Variants in RNF17 observed in about 807,000 individuals in gnomAD.
RNF17 encodes the protein ring finger protein 17.
A neutral mutation model predicts 200.5 loss-of-function variants in RNF17; 31 were observed. The ratio of observed to expected loss-of-function variants is 0.15; its 90% CI spans 0.12 to 0.21. The LOEUF (loss-of-function observed/expected upper bound fraction) is 0.21, where lower values mean the gene tolerates loss of function less well. Ranked by LOEUF, RNF17 falls within the 10% of genes least tolerant of loss-of-function variation. The pLI, the probability that RNF17 is intolerant of heterozygous loss-of-function variation, is 1.00. For synonymous variants in RNF17, 606 were observed against 637.8 expected (o/e 0.95, Z 0.75); for missense variants, 1,628 against 1,905.1 (o/e 0.85, Z 2.71).
chr13:24,821,113 G>A (rs1448948569), intron 15 of RNF17, among the ~76,000 whole-genome samples: 1 of 152,108 alleles, frequency 6.6e-6, no homozygotes, highest in African/African-American at 2.4e-5. Context: ...GCAATCTTTT[G>A]TGCACCTTTG....
chr13:24,763,619 G>A (rs968268914), upstream of RNF17, among the ~76,000 whole-genome samples: 6 of 152,092 alleles, frequency 3.9e-5, no homozygotes, highest in African/African-American at 1.4e-4. Flanking sequence ...CTCTCAAGCA[G>A]AAACCTGCTA....
chr13:24,885,456 T>C, the RNF17 span: 1 of 1,220,872 alleles, frequency 8.2e-7, no homozygotes, highest in Admixed American at 1.7e-5. Context: ...TGATATAGGG[T>C]TCTAGGACTA....
chr13:24,788,289 ATG>A, intron 7 of RNF17, 130 bp downstream of exon 7: 3 of 612,104 alleles, frequency 4.9e-6, no homozygotes, highest in Non-Finnish European at 5.4e-6. Flanking sequence ...TTCTAAATTG[ATG>A]ACAATATAGG....
At chr13:24,767,484 T>C in intron 2 of RNF17, 118 bp downstream of exon 2, 1 of 655,558 alleles carries the variant, frequency 1.5e-6, no homozygotes, top group Non-Finnish European at 2.6e-6. Flanking sequence ...GCGTGGTGGC[T>C]GACGCCTGTA....
chr13:24,834,443 A>C (rs373812509), intron 18 of RNF17, among the ~76,000 whole-genome samples: 1 of 128,046 alleles, frequency 7.8e-6, no homozygotes, highest in Non-Finnish European at 1.7e-5. Flanking sequence ...AGAACAACAA[A>C]AAAGCAACAA....
At chr13:24,834,559 A>G (rs1889762258) in intron 18 of RNF17, among the ~76,000 whole-genome samples, 1 of 152,210 alleles carries the variant, frequency 6.6e-6, no homozygotes, top group African/African-American at 2.4e-5. Context: ...TCCTGAAAAC[A>G]CACTTCCACT....
chr13:24,865,735 A>G (rs1019203818), intron 29 of RNF17, among the ~76,000 whole-genome samples: 3 of 152,052 alleles, frequency 2.0e-5, no homozygotes, highest in African/African-American at 7.2e-5. Flanking sequence ...TGTAATCCTC[A>G]CTGCCAGCTT....
intron 29 of RNF17, among the ~76,000 whole-genome samples, chr13:24,865,512 G>A (rs1893524044): frequency 6.6e-6 from 1 of 152,070 alleles, no homozygotes; most frequent in Non-Finnish European, 1.5e-5. Flanking sequence ...ACAAGATATG[G>A]TTTCACATTT....
At chr13:24,794,730 A>G (rs1419828770) in intron 10 of RNF17, among the ~76,000 whole-genome samples, 3 of 152,130 alleles carry the variant, frequency 2.0e-5, no homozygotes, top group Non-Finnish European at 4.4e-5. Flanking sequence ...CCAATAAAAA[A>G]AATATTTTTT....
At chr13:24,877,290 G>C (rs1894962314) in intron 34 of RNF17, 104 bp downstream of exon 34, 1 of 828,850 alleles carries the variant, frequency 1.2e-6, no homozygotes, top group Admixed American at 2.7e-5. Context: ...GTATACTAAA[G>C]CATATACAGC....
Position 24,853,884 on chromosome 13 carries a change from T to C in RNF17, c.3350T>C (p.Leu1117Ser), listed in dbSNP as rs1213515033. 3.1e-6 allele frequency: 5 copies of C among 1,610,346 alleles called. No individual in the cohort carries two copies. The African/African-American group carries it at 5.4e-5, about 17-fold the overall frequency. ...RINNLDNSHS[L>S]SEKSLEVPLE... ...AATAACTTAGATAACAGCCATTCAT[T>C]ATCTGAGAAGTCTCTGGAAGTCCCC... Residue 1117 changes from leucine (L) to serine (S), a missense_variant, in exon 25 of 36, where the codon TTA (leucine) becomes TCA (serine). By Grantham distance (145) the Leu-to-Ser change is moderately radical (BLOSUM62 -2). Transcript: ENST00000255324.
intron 15 of RNF17, among the ~76,000 whole-genome samples, chr13:24,807,389 C>T (rs1886022109): frequency 6.6e-6 from 1 of 151,922 alleles, no homozygotes; most frequent in East Asian, 1.9e-4. Context: ...TTGCATTTCT[C>T]TGATGGCCAG....
chr13:24,862,297 C>T (rs1593462745), intron 27 of RNF17, among the ~76,000 whole-genome samples: 3 of 152,196 alleles, frequency 2.0e-5, no homozygotes, highest in Admixed American at 1.3e-4. Flanking sequence ...ATTGCTTTGG[C>T]AGGAAGCCTC....
At chr13:24,829,092 A>T (rs1209589126) in intron 16 of RNF17, among the ~76,000 whole-genome samples, 2 of 152,056 alleles carry the variant, frequency 1.3e-5, no homozygotes, top group Admixed American at 1.3e-4. Context: ...GGCCAAAAAC[A>T]TCCTTTATCT....
At chr13:24,887,116 A>AAGAT in the RNF17 span, among the ~76,000 whole-genome samples, 2 of 152,172 alleles carry the variant, frequency 1.3e-5, no homozygotes, top group East Asian at 1.9e-4. Flanking sequence ...TTATGACCCC[A>AAGAT]AGATAGGGAA....
Position 24,788,030 on chromosome 13 carries a change from TTATC to T in RNF17, c.659_662del (p.Leu220GlnfsTer3). On this transcript the variant is annotated frameshift_variant, in exon 7 of 36. Coordinates refer to ENST00000255324, the MANE Select transcript of RNF17 (RefSeq NM_031277.3). LOFTEE classifies it high-confidence loss of function. ...AAGAATTTGCAAGAACTACTGATGA[TTATC>T]TATCAAATTTAATAAAGGCTAAAAG... The T allele has an allele frequency of 6.3e-7, 1 of 1,584,252 alleles. No homozygotes were observed. Among genetic ancestry groups the T allele is most frequent in the Non-Finnish European group, 8.5e-7 (1 of 1,170,760 alleles).
upstream of RNF17, among the ~76,000 whole-genome samples, chr13:24,763,726 C>G (rs1315033691): frequency 6.6e-6 from 1 of 152,104 alleles, no homozygotes; most frequent in Admixed American, 6.5e-5. Context: ...CTCCTTAATT[C>G]GAAAGCGTTC....
chr13:24,868,434 C>A (rs1182673983), intron 30 of RNF17, among the ~76,000 whole-genome samples, 166 bp from the exon 31 acceptor site: 1 of 125,444 alleles, frequency 8.0e-6, no homozygotes, highest in Admixed American at 9.1e-5. Flanking sequence ...CCCGCCACTG[C>A]ACTCCAGCCT....
At chr13:24,842,480 G>T (rs778459304) in intron 19 of RNF17, among the ~76,000 whole-genome samples, 4 of 152,200 alleles carry the variant, frequency 2.6e-5, no homozygotes, top group Non-Finnish European at 5.9e-5. Flanking sequence ...ATTGGGAAGA[G>T]AAATGGCAGG....
Sources: allele counts gnomAD v4.1 joint callset (sites outside exome capture counted in the v4.1 genomes callset), GRCh38; gene constraint gnomAD v4.1.1; transcripts MANE v1.5; gene names NCBI Gene and HGNC (gene_info 2026-07-23, HGNC 2026-07-21).